EYS: variants seen among roughly 807,000 people sequenced by gnomAD.
EYS encodes the protein EGF-like photoreceptor maintenance factor.
A neutral mutation model predicts 282.1 loss-of-function variants in EYS; 250 were observed. The observed-to-expected ratio is 0.89, with a 90% CI of 0.80 to 0.98. The LOEUF is 0.98. Ranked by LOEUF, EYS falls within the 50% of genes least tolerant of loss-of-function variation. The pLI is 0.00. For synonymous variants in EYS, 1,355 were observed against 1,282.9 expected (o/e 1.06, Z -1.20); for missense variants, 4,016 against 3,709.0 (o/e 1.08, Z -2.15).
At chr6:64,079,624 C>T (rs1698341371) in intron 32 of EYS, among the ~76,000 whole-genome samples, 2 of 151,898 alleles carry the variant, frequency 1.3e-5, no homozygotes, top group Non-Finnish European at 2.9e-5. Flanking sequence ...GCACAACATG[C>T]AGGTTTGTTA....
chr6:64,709,269 A>C (rs1241693214), intron 22 of EYS, among the ~76,000 whole-genome samples: 3 of 152,182 alleles, frequency 2.0e-5, no homozygotes, highest in African/African-American at 4.8e-5. Flanking sequence ...ATACATCATT[A>C]AAGTGATATT....
At chr6:65,478,944 C>T (rs540322999) in intron 5 of EYS, among the ~76,000 whole-genome samples, 1 of 152,036 alleles carries the variant, frequency 6.6e-6, no homozygotes, top group Non-Finnish European at 1.5e-5. Context: ...CGAACAAAAC[C>T]AGGCAAAAAT....
chr6:64,259,661 C>CACAT, intron 30 of EYS, among the ~76,000 whole-genome samples: 1 of 83,566 alleles, frequency 1.2e-5, no homozygotes, highest in Non-Finnish European at 2.7e-5. Flanking sequence ...CACACACACA[C>CACAT]ACACACACAC....
At chr6:64,191,717 C>G (rs1012881964) in intron 31 of EYS, among the ~76,000 whole-genome samples, 28 of 152,034 alleles carry the variant, frequency 1.8e-4, no homozygotes, top group Non-Finnish European at 4.0e-4. Flanking sequence ...TTTTCTTAAT[C>G]CAGTCTATCA....
intron 12 of EYS, among the ~76,000 whole-genome samples, chr6:65,075,622 A>T (rs10455569): frequency 0.046 from 6,925 of 152,074 alleles, 219 homozygotes; most frequent in Middle Eastern, 0.068. Context: ...GTATTGTATC[A>T]GTCTTTTAGT....
chr6:64,406,377 A>G (rs1216637936), intron 28 of EYS, among the ~76,000 whole-genome samples: 3 of 152,234 alleles, frequency 2.0e-5, no homozygotes, highest in African/African-American at 7.2e-5. Flanking sequence ...AAACCTAGGC[A>G]GTATCATTCA....
intron 30 of EYS, among the ~76,000 whole-genome samples, chr6:64,301,143 T>C (rs1245793890): frequency 1.3e-5 from 2 of 152,224 alleles, no homozygotes; most frequent in East Asian, 1.9e-4. Flanking sequence ...ACATACTAAC[T>C]TCCTGGTCAG....
chr6:64,170,115 C>G (rs1475890158), intron 31 of EYS, among the ~76,000 whole-genome samples: 1 of 152,118 alleles, frequency 6.6e-6, no homozygotes, highest in East Asian at 1.9e-4. Flanking sequence ...AAAACAGGTG[C>G]TGATCTTACC....
At chr6:64,757,429 A>ATT (rs150124389) in intron 22 of EYS, among the ~76,000 whole-genome samples, 3 of 149,860 alleles carry the variant, frequency 2.0e-5, no homozygotes, top group Non-Finnish European at 3.0e-5. Context: ...AAAGACATGC[A>ATT]TTTTTTTTTT....
At chr6:65,154,371 T>C (rs1311198228) in intron 12 of EYS, among the ~76,000 whole-genome samples, 1 of 151,550 alleles carries the variant, frequency 6.6e-6, no homozygotes, top group Non-Finnish European at 1.5e-5. Flanking sequence ...AAAAGGATGA[T>C]ATACTGAAAA....
chr6:64,196,856 G>A (rs1191551322), intron 31 of EYS, among the ~76,000 whole-genome samples: 1 of 151,750 alleles, frequency 6.6e-6, no homozygotes, highest in East Asian at 1.9e-4. Context: ...TAACTAACCT[G>A]CACATTGTGC....
At chr6:65,055,267 G>A (rs1773380047) in intron 13 of EYS, among the ~76,000 whole-genome samples, 1 of 152,026 alleles carries the variant, frequency 6.6e-6, no homozygotes, top group African/African-American at 2.4e-5. Flanking sequence ...ACAGGTGTGA[G>A]CCACTATGTC....
chr6:63,974,279 A>G (rs1362892642), intron 35 of EYS, among the ~76,000 whole-genome samples: 3 of 152,050 alleles, frequency 2.0e-5, no homozygotes, highest in African/African-American at 7.2e-5. Flanking sequence ...AAATGCTTCT[A>G]TTTACAAAAT....
rs114999599 is a variant in EYS, at chr6:63,893,981, C to T, written c.7056-29623G>A. On this transcript the variant is annotated intron_variant, in intron 35 of 42. Coordinates refer to ENST00000503581, the MANE Select transcript of EYS (RefSeq NM_001142800.2). ...TTTCCTGGGTTGAGGGGGGCTTACGCATTTGGACTTCTGAGAGACCTGACT... is the reference window on the plus strand; with the variant it reads ...TTTCCTGGGTTGAGGGGGGCTTACGTATTTGGACTTCTGAGAGACCTGACT... Among the ~76,000 whole-genome samples the T allele has an allele frequency of 2.3e-3, 343 of 152,244 alleles. 1 individual carries two copies. The highest frequency in any genetic ancestry group is 7.8e-3 in the African/African-American group (322 of 41,548).
At chr6:63,924,786 A>C (rs1354370088) in intron 35 of EYS, among the ~76,000 whole-genome samples, 1 of 152,210 alleles carries the variant, frequency 6.6e-6, no homozygotes, top group Non-Finnish European at 1.5e-5. Flanking sequence ...AGATTTTCAA[A>C]ATTAGAATTT....
At chr6:64,798,608 T>G (rs1315348600) in intron 22 of EYS, among the ~76,000 whole-genome samples, 4 of 40,842 alleles carry the variant, frequency 9.8e-5, no homozygotes, top group South Asian at 4.4e-4. Context: ...TTGTTTCTGG[T>G]TTTTTTTTTT....
intron 29 of EYS, among the ~76,000 whole-genome samples, chr6:64,352,310 T>A (rs1417719106): frequency 1.3e-5 from 2 of 151,574 alleles, no homozygotes; most frequent in Non-Finnish European, 3.0e-5. Flanking sequence ...AATAACAATA[T>A]AGTACCTAGT....
chr6:65,544,276 TAA>T (rs1049514658), intron 2 of EYS, among the ~76,000 whole-genome samples: 16 of 152,160 alleles, frequency 1.1e-4, no homozygotes, highest in Admixed American at 7.2e-4. Context: ...AAAATTCACT[TAA>T]GTCTATTTTG....
At chr6:64,712,465 G>A (rs1437773182) in intron 22 of EYS, among the ~76,000 whole-genome samples, 1 of 152,170 alleles carries the variant, frequency 6.6e-6, no homozygotes, top group Non-Finnish European at 1.5e-5. Context: ...AGGAAGTTGG[G>A]GGATTATGGA....
Sources: allele counts gnomAD v4.1 joint callset (sites outside exome capture counted in the v4.1 genomes callset), GRCh38; gene constraint gnomAD v4.1.1; transcripts MANE v1.5; gene names NCBI Gene and HGNC (gene_info 2026-07-23, HGNC 2026-07-21).